RFTN1: variants seen among roughly 807,000 people sequenced by gnomAD.
RFTN1 encodes raftlin.
A neutral mutation model predicts 46.5 loss-of-function variants in RFTN1; 26 were observed. The ratio of observed to expected loss-of-function variants is 0.56; its 90% CI spans 0.41 to 0.78. RFTN1 has a LOEUF of 0.78. Among genes scored for constraint, RFTN1 ranks in the 30% least tolerant of loss-of-function variants. The probability of loss-of-function intolerance (pLI) is 0.00; values close to 1 mark genes in which losing one functional copy is unlikely to be tolerated. For missense variants in RFTN1, 693 were observed against 718.7 expected, an observed-to-expected ratio of 0.96 and a Z score of 0.41; for synonymous variants, 261 against 284.2, an observed-to-expected ratio of 0.92 and a Z score of 0.82.
At position 16,345,791 on chromosome 3, in the gene RFTN1, T is replaced by TGG. The variant is rs2071625419; in HGVS notation, c.1146+12140_1146+12141insCC. On this transcript the variant is annotated intron_variant, in intron 7 of 9. Transcript: ENST00000334133. The surrounding 1 kb of genome is among the most constrained non-coding windows in gnomAD (Gnocchi z 5.2). The stretch of plus-strand genomic sequence containing the variant: ...GCCAAAACCTTATAATAAATCTCTG[T>TGG]GTGTGTGTGTGTGTGTGTGTGTGTG... 1.7e-5 allele frequency among the ~76,000 whole-genome samples: 1 copy of TGG among 57,486 alleles called. No homozygotes were observed. The highest frequency in any genetic ancestry group is 1.5e-4 in the Admixed American group (1 of 6,892). 37.7% of individuals were successfully genotyped at this position (57,486 alleles called of 152,430 possible).
rs1250893541 is a variant in RFTN1, at chr3:16,329,723, G to A, written c.1147-2847C>T. Among the ~76,000 whole-genome samples the A allele has an allele frequency of 6.6e-6, 1 of 152,130 alleles. No individual in the cohort carries two copies. The highest frequency in any genetic ancestry group is 1.5e-5 in the Non-Finnish European group (1 of 68,028). On this transcript the variant is annotated intron_variant, in intron 7 of 9. Transcript: ENST00000334133. This position sits in a 1 kb window ranked among gnomAD's most constrained non-coding sequence, Gnocchi z 4.5. ...TTAAATCCACACTCTCAAGCTTTGC[G>A]AGGTTATGATTACTTGGGCCTATCA...
rs35258603 is a variant in RFTN1, at chr3:16,507,619, C to CACACACACACAT, written c.-9+5822_-9+5823insATGTGTGTGTGT. On this transcript the variant is annotated intron_variant, in intron 1 of 9. Transcript: ENST00000334133. This position sits in a 1 kb window ranked among gnomAD's most constrained non-coding sequence, Gnocchi z 7.1. ...TTCAAAACACACACACACACACACA[C>CACACACACACAT]ACATACACACACACATGCACACATC... is the stretch of plus-strand genomic sequence containing the variant. Among the ~76,000 whole-genome samples, 5 of 150,338 alleles carry CACACACACACAT rather than the reference C, an allele frequency of 3.3e-5. No homozygotes were observed. Among genetic ancestry groups the CACACACACACAT allele is most frequent in the African/African-American group, 1.2e-4 (5 of 40,800 alleles).
Position 16,426,531 on chromosome 3 carries a change from T to G in RFTN1, c.332+7320A>C, listed in dbSNP as rs944332224. Among the ~76,000 whole-genome samples the G allele has an allele frequency of 3.9e-5, 6 of 152,238 alleles. No homozygotes were observed. Among genetic ancestry groups the G allele is most frequent in the Admixed American group, 3.3e-4 (5 of 15,286 alleles). On this transcript the variant is annotated intron_variant, in intron 3 of 9. Coordinates refer to ENST00000334133, the MANE Select transcript of RFTN1 (RefSeq NM_015150.2). This position sits in a 1 kb window ranked among gnomAD's most constrained non-coding sequence, Gnocchi z 5.9. ...ATAACATAATGCATTTGTACTTCAC[T>G]TATGGTCCGCAAAGATTTCCTTTCT...
chr3:16,386,104 C>A (rs2074162820), intron 4 of RFTN1, among the ~76,000 whole-genome samples: 1 of 152,222 alleles, frequency 6.6e-6, no homozygotes. Context: ...CCAGCCTTCC[C>A]AGTCTGTTAG....
At chr3:16,493,932 T>C in intron 1 of RFTN1, 55 bp from the exon 2 acceptor site, 1 of 1,599,066 alleles carries the variant, frequency 6.3e-7, no homozygotes, top group Non-Finnish European at 8.6e-7. Context: ...ATTTTGTCTT[T>C]AAACACCCTA....
At chr3:16,357,137 C>CA in intron 7 of RFTN1, among the ~76,000 whole-genome samples, 1 of 30,308 alleles carries the variant, frequency 3.3e-5, no homozygotes, top group South Asian at 8.2e-4. Flanking sequence ...AACAAAAAAA[C>CA]AAACAAACAA....
chr3:16,467,317 A>C (rs987618222), intron 2 of RFTN1, among the ~76,000 whole-genome samples: 1 of 152,254 alleles, frequency 6.6e-6, no homozygotes, highest in Non-Finnish European at 1.5e-5. Flanking sequence ...TCCCAAGGTC[A>C]ATAACACCTC....
intron 3 of RFTN1, chr3:16,416,274 T>C: frequency 2.2e-6 from 1 of 452,186 alleles, no homozygotes; most frequent in African/African-American, 2.0e-5. Context: ...CAACATAGTT[T>C]TAATAATGCA....
intron 8 of RFTN1, 125 bp downstream of exon 8, chr3:16,326,648 G>T: frequency 2.8e-6 from 2 of 714,456 alleles, no homozygotes; most frequent in Non-Finnish European, 2.3e-6. Flanking sequence ...CAGTGGGAGA[G>T]TTTACATAAC....
At chr3:16,363,802 G>A (rs1035804000) in intron 6 of RFTN1, among the ~76,000 whole-genome samples, 1 of 151,864 alleles carries the variant, frequency 6.6e-6, no homozygotes, top group Non-Finnish European at 1.5e-5. Context: ...CTCTGAGGGC[G>A]CCTTCTCTCC....
Position 16,376,651 on chromosome 3 carries a change from T to C in RFTN1, c.826+1067A>G, listed in dbSNP as rs2073785121. Among the ~76,000 whole-genome samples, 1 of 152,232 alleles carries C rather than the reference T, an allele frequency of 6.6e-6. No homozygotes were observed. Among genetic ancestry groups the C allele is most frequent in the Non-Finnish European group, 1.5e-5 (1 of 68,038 alleles). On this transcript the variant is annotated intron_variant, in intron 5 of 9. Coordinates refer to ENST00000334133, the MANE Select transcript of RFTN1 (RefSeq NM_015150.2). This position sits in a 1 kb window ranked among gnomAD's most constrained non-coding sequence, Gnocchi z 4.7. ...ACACAGATGAAGGGCTCTACTTCAG[T>C]GCATACTAAGAAGGCTCAATGCCTT...
chr3:16,434,254 T>C (rs2125496567), intron 2 of RFTN1, among the ~76,000 whole-genome samples: 1 of 152,314 alleles, frequency 6.6e-6, no homozygotes, highest in East Asian at 1.9e-4. Context: ...CCAGGCGTGA[T>C]GGCTCAGGCC....
In RFTN1 at chr3:16,317,790, C is replaced by T. The variant is rs980511894; in HGVS notation, c.1333-558G>A. On this transcript the variant is annotated intron_variant, in intron 9 of 9. Coordinates refer to ENST00000334133, the MANE Select transcript of RFTN1 (RefSeq NM_015150.2). This position sits in a 1 kb window ranked among gnomAD's most constrained non-coding sequence, Gnocchi z 4.3. ...GCTAGGCCGATAGCCCTTTGCTGAC[C>T]ACCACCTCACAGAAGGGTCACACCA... Among the ~76,000 whole-genome samples, 1 of 151,806 alleles carries T rather than the reference C, an allele frequency of 6.6e-6. No homozygotes were observed. Among genetic ancestry groups the T allele is most frequent in the African/African-American group, 2.4e-5 (1 of 41,104 alleles).
At chr3:16,476,314 T>C (rs570389923) in intron 2 of RFTN1, among the ~76,000 whole-genome samples, 2 of 152,318 alleles carry the variant, frequency 1.3e-5, no homozygotes, top group South Asian at 4.1e-4. Context: ...ATTCACTCAT[T>C]CAGTCATTCA....
Position 16,513,342 on chromosome 3 carries a change from CG to C in RFTN1, c.-9+99del, listed in dbSNP as rs1693751002. 1.3e-5 allele frequency: 2 copies of C among 152,622 alleles called. No individual in the cohort carries two copies. The highest frequency in any genetic ancestry group is 2.9e-5 in the Non-Finnish European group (2 of 68,380). 9.5% of individuals were successfully genotyped at this position (152,622 alleles called of 1,614,324 possible). A position where few individuals can be genotyped will look rare whatever the true frequency, so the allele number is the denominator to read the frequency against. On this transcript the variant is annotated intron_variant, in intron 1 of 9. Transcript: ENST00000334133. This position sits in a 1 kb window ranked among gnomAD's most constrained non-coding sequence, Gnocchi z 5.4. ...GCAACCTGCAGGGAGGCGCCACGCG[CG>C]GTTCCCACTACCCGCCAGAGACCCG...
chr3:16,335,239 A>G lies in RFTN1; in HGVS notation c.1147-8363T>C, dbSNP rs746640636. Among the ~76,000 whole-genome samples, 1 of 152,204 alleles carries G rather than the reference A, an allele frequency of 6.6e-6. No homozygotes were observed. The highest frequency in any genetic ancestry group is 1.5e-5 in the Non-Finnish European group (1 of 68,030). ...AACACTTGGAGGTGCTGACAGATGCAGGGTAGGTGAAAACTCCTGGAGGGA... is the reference window on the plus strand; with the variant it reads ...AACACTTGGAGGTGCTGACAGATGCGGGGTAGGTGAAAACTCCTGGAGGGA... On this transcript the variant is annotated intron_variant, in intron 7 of 9. Transcript: ENST00000334133. The surrounding 1 kb of genome is among the most constrained non-coding windows in gnomAD (Gnocchi z 4.7).
intron 4 of RFTN1, among the ~76,000 whole-genome samples, chr3:16,406,591 G>T (rs919200390): frequency 1.3e-5 from 2 of 152,180 alleles, no homozygotes; most frequent in Admixed American, 6.5e-5. Flanking sequence ...TGTATGACAG[G>T]AACAGGATGA....
chr3:16,366,824 A>T (rs1053938695), intron 6 of RFTN1, among the ~76,000 whole-genome samples: 1 of 152,200 alleles, frequency 6.6e-6, no homozygotes, highest in African/African-American at 2.4e-5. Flanking sequence ...CATGGTCATC[A>T]CTATGCCCCT....
Position 16,421,357 on chromosome 3 carries a change from T to C in RFTN1, c.333-11874A>G, listed in dbSNP as rs2075180214. 6.6e-6 allele frequency among the ~76,000 whole-genome samples: 1 copy of C among 151,994 alleles called. No homozygotes were observed. Among genetic ancestry groups the C allele is most frequent in the South Asian group, 2.1e-4 (1 of 4,814 alleles). On this transcript the variant is annotated intron_variant, in intron 3 of 9. Transcript: ENST00000334133. The surrounding 1 kb of genome is among the most constrained non-coding windows in gnomAD (Gnocchi z 4.6). Reference sequence around the variant, plus strand: ...GCATTGGTATTGGTGTTTTTTTTTTTTCTTTTCTTTTTGAGATGGTGTCTC... The same window carrying C: ...GCATTGGTATTGGTGTTTTTTTTTTCTCTTTTCTTTTTGAGATGGTGTCTC...
Sources: allele counts gnomAD v4.1 joint callset (sites outside exome capture counted in the v4.1 genomes callset), GRCh38; gene constraint gnomAD v4.1.1; non-coding constraint Gnocchi (gnomAD v3.1); transcripts MANE v1.5; gene names NCBI Gene and HGNC (gene_info 2026-07-23, HGNC 2026-07-21).